KHDRBS2: variants seen among roughly 807,000 people sequenced by gnomAD.
KHDRBS2 encodes the protein KH domain-containing, RNA-binding, signal transduction-associated protein 2.
Under a neutral mutation model 44.3 loss-of-function variants are expected in KHDRBS2, and 26 were observed. That is an observed-to-expected ratio of 0.59 (90% confidence interval 0.43 to 0.81). The LOEUF is 0.81. Among genes scored for constraint, KHDRBS2 ranks in the 40% least tolerant of loss-of-function variants. The pLI is 0.00. For missense variants in KHDRBS2, 476 were observed against 433.1 expected, an observed-to-expected ratio of 1.10 and a Z score of -0.88; for synonymous variants, 194 against 151.1, an observed-to-expected ratio of 1.28 and a Z score of -2.08.
At chr6:62,115,974 A>G (rs1462836749) in intron 2 of KHDRBS2, among the ~76,000 whole-genome samples, 2 of 152,114 alleles carry the variant, frequency 1.3e-5, no homozygotes, top group Non-Finnish European at 2.9e-5. Context: ...AGTAATTGAT[A>G]TGAAAACAGT....
chr6:61,581,346 GTTATT>G, the KHDRBS2 span, among the ~76,000 whole-genome samples: 3 of 151,874 alleles, frequency 2.0e-5, no homozygotes, highest in African/African-American at 7.3e-5. Flanking sequence ...TTACTTTTGA[GTTATT>G]TTATTTAATC....
chr6:62,095,238 C>T (rs544222584), intron 2 of KHDRBS2, among the ~76,000 whole-genome samples: 1 of 151,726 alleles, frequency 6.6e-6, no homozygotes, highest in East Asian at 1.9e-4. Context: ...AGAAATTTAA[C>T]CAAGAAAGTA....
chr6:62,089,002 G>A (rs1318348110), intron 2 of KHDRBS2, among the ~76,000 whole-genome samples: 1 of 152,086 alleles, frequency 6.6e-6, no homozygotes. Context: ...GAACTTCCAG[G>A]CAGCTTTGTT....
the KHDRBS2 span, among the ~76,000 whole-genome samples, chr6:61,615,571 A>T: frequency 1.3e-5 from 2 of 152,170 alleles, no homozygotes; most frequent in Admixed American, 1.3e-4. Flanking sequence ...TTCCTTGGAA[A>T]TACCTGAATT....
At chr6:62,089,190 T>G (rs1184589860) in intron 2 of KHDRBS2, among the ~76,000 whole-genome samples, 1 of 150,900 alleles carries the variant, frequency 6.6e-6, no homozygotes, top group Non-Finnish European at 1.5e-5. Context: ...GCTAGATCGC[T>G]TGGCTCCCTG....
intron 1 of KHDRBS2, among the ~76,000 whole-genome samples, chr6:62,264,869 C>G (rs1417240388): frequency 6.6e-6 from 1 of 151,636 alleles, no homozygotes; most frequent in Non-Finnish European, 1.5e-5. Context: ...ATTAAAGGTC[C>G]TGCTGTCTTC....
At chr6:61,568,428 A>G in the KHDRBS2 span, among the ~76,000 whole-genome samples, 1 of 152,190 alleles carries the variant, frequency 6.6e-6, no homozygotes, top group Non-Finnish European at 1.5e-5. Flanking sequence ...CAGGGCTAAT[A>G]TGCAGCTCTG....
rs575503965 is a variant in KHDRBS2, at chr6:61,955,172, GTA to G, written c.483+22892_483+22893del. On this transcript the variant is annotated intron_variant, in intron 4 of 8. Transcript: ENST00000281156. ...CGTGTGTATGTATGTATACATATGT[GTA>G]TATACACATACGTTTGTATGTATAC... 1.7e-3 allele frequency among the ~76,000 whole-genome samples: 226 copies of G among 133,674 alleles called. 8 individuals carry two copies. The South Asian group carries it at 0.05, about 30-fold the overall frequency. The allele number at this position is 133,674 out of a possible 152,430, so 87.7% of individuals were successfully genotyped here.
intron 8 of KHDRBS2, among the ~76,000 whole-genome samples, chr6:61,688,771 G>A (rs1368280111): frequency 6.6e-6 from 1 of 151,868 alleles, no homozygotes; most frequent in Non-Finnish European, 1.5e-5. Flanking sequence ...GCTTTTCCAG[G>A]TTGATAAATT....
At chr6:61,615,793 G>A in the KHDRBS2 span, among the ~76,000 whole-genome samples, 1 of 152,040 alleles carries the variant, frequency 6.6e-6, no homozygotes, top group Non-Finnish European at 1.5e-5. Flanking sequence ...AAAATAAATT[G>A]ACATCCAAAA....
intron 2 of KHDRBS2, among the ~76,000 whole-genome samples, chr6:62,155,926 C>T (rs1816271800): frequency 1.3e-5 from 2 of 152,196 alleles, no homozygotes; most frequent in East Asian, 1.9e-4. Context: ...GGAAAAATCC[C>T]ATCATAATTT....
In KHDRBS2 at chr6:62,055,031, T is replaced by C. The variant is rs148968288; in HGVS notation, c.220-7037A>G. 8.2e-3 allele frequency among the ~76,000 whole-genome samples: 1,245 copies of C among 152,134 alleles called. 10 individuals are homozygous for C. The highest frequency in any genetic ancestry group is 0.014 in the Non-Finnish European group (946 of 67,948). On this transcript the variant is annotated intron_variant, in intron 2 of 8. Coordinates refer to ENST00000281156, the MANE Select transcript of KHDRBS2 (RefSeq NM_152688.4). The stretch of plus-strand genomic sequence containing the variant: ...GGTTTATAGACTTAGATGTGAAATA[T>C]AAAACTTTAGAACTTCTAGAAGAAA...
chr6:61,955,235 CGTAT>C (rs1331376149), intron 4 of KHDRBS2, among the ~76,000 whole-genome samples: 4 of 142,012 alleles, frequency 2.8e-5, no homozygotes, highest in Admixed American at 7.0e-5. Context: ...TATACACATA[CGTAT>C]GTATGTATAC....
chr6:62,016,058 A>G (rs531125475), intron 3 of KHDRBS2, among the ~76,000 whole-genome samples: 2 of 152,270 alleles, frequency 1.3e-5, no homozygotes, highest in East Asian at 3.9e-4. Flanking sequence ...GACCCAGAAA[A>G]AAAGAACACA....
chr6:61,983,431 G>A (rs1774393782), intron 3 of KHDRBS2, among the ~76,000 whole-genome samples: 1 of 151,334 alleles, frequency 6.6e-6, no homozygotes, highest in Non-Finnish European at 1.5e-5. Flanking sequence ...TGGGAAAACT[G>A]GCCTGATACT....
intron 1 of KHDRBS2, among the ~76,000 whole-genome samples, chr6:62,247,252 G>T (rs1563130946): frequency 6.6e-6 from 1 of 151,898 alleles, no homozygotes; most frequent in African/African-American, 2.4e-5. Flanking sequence ...ACATAATTGT[G>T]TTTTTTGCCA....
At chr6:62,110,924 G>A (rs1273509518) in intron 2 of KHDRBS2, among the ~76,000 whole-genome samples, 1 of 151,774 alleles carries the variant, frequency 6.6e-6, no homozygotes, top group Admixed American at 6.6e-5. Context: ...TAATTTAATG[G>A]CCCAGTGAAC....
intron 2 of KHDRBS2, among the ~76,000 whole-genome samples, chr6:62,079,048 A>C (rs770477452): frequency 5.9e-5 from 9 of 152,130 alleles, no homozygotes; most frequent in Non-Finnish European, 1.0e-4. Context: ...CCACTAGAAA[A>C]ATTCAGCGGG....
chr6:62,056,212 T>C (rs1297001673), intron 2 of KHDRBS2, among the ~76,000 whole-genome samples: 1 of 151,894 alleles, frequency 6.6e-6, no homozygotes, highest in African/African-American at 2.4e-5. Flanking sequence ...TTGTGACATA[T>C]TACTATGAAA....
Sources: gnomAD v4.1 joint callset for allele counts (sites outside exome capture counted in the v4.1 genomes callset) on GRCh38, gnomAD v4.1.1 for gene constraint, MANE v1.5 for transcripts, NCBI Gene and HGNC (gene_info 2026-07-23, HGNC 2026-07-21) for gene names.